AAK1: variants seen among roughly 807,000 people sequenced by gnomAD.
The protein encoded by AAK1 is AP2-associated protein kinase 1.
In AAK1, 37 loss-of-function variants were observed where a neutral mutation model predicts 116.0. That is an observed-to-expected ratio of 0.32 (90% CI 0.25 to 0.42). The LOEUF is 0.42. Among genes scored for constraint, AAK1 ranks in the 10% least tolerant of loss-of-function variants. The pLI is 1.00. For synonymous variants in AAK1, 458 were observed against 439.9 expected, an observed-to-expected ratio of 1.04 and a Z score of -0.51; for missense variants, 919 against 1,170.6, an observed-to-expected ratio of 0.79 and a Z score of 3.14.
At chr2:69,561,659 G>C (rs188934752) in intron 2 of AAK1, among the ~76,000 whole-genome samples, 1 of 151,980 alleles carries the variant, frequency 6.6e-6, no homozygotes. Flanking sequence ...ATGAGTTTTC[G>C]CAACTGTATA....
At position 69,467,867 on chromosome 2, in the gene AAK1, A is replaced by G. The variant is rs531491250; in HGVS notation, c.*8002T>C. 10 of 985,418 alleles carry G rather than the reference A, an allele frequency of 1.0e-5. No homozygotes were observed. The African/African-American group carries it at 1.6e-4, about 15-fold the overall frequency. The allele number at this position is 985,418 out of a possible 1,614,324, so 61.0% of individuals were successfully genotyped here. Reference sequence around the variant, plus strand: ...AGAGAATGTAGAGAGAGGTCTGAACATTTTATAAGATACTGTACAAAAATA... The same window carrying G: ...AGAGAATGTAGAGAGAGGTCTGAACGTTTTATAAGATACTGTACAAAAATA... On this transcript the variant is annotated 3_prime_UTR_variant, in exon 22 of 22. Coordinates refer to ENST00000409085, the MANE Select transcript of AAK1 (RefSeq NM_014911.5).
rs535264683 is a variant in AAK1 at position 69,586,672 on chromosome 2, C to T, written c.164-29694G>A. ...TGAGATCTCTGGGCCTTAGTTTTCT[C>T]TCCTATATCACAAAAGAGTTGGAAA... On this transcript the variant is annotated intron_variant, in intron 2 of 21. Transcript: ENST00000409085. Among the ~76,000 whole-genome samples the T allele has an allele frequency of 3.3e-5, 5 of 152,304 alleles. No homozygotes were observed. In the South Asian group the frequency reaches 1.0e-3, roughly 32 times the overall value.
chr2:69,638,045 G>A (rs1236382986), intron 2 of AAK1, among the ~76,000 whole-genome samples: 1 of 152,188 alleles, frequency 6.6e-6, no homozygotes, highest in Non-Finnish European at 1.5e-5. Context: ...CCGTCATCAT[G>A]CCCAAAGCCA....
rs1234179042 is a variant in AAK1, at chr2:69,478,954, T to C, written c.2677A>G (p.Lys893Glu). 1.9e-6 allele frequency: 3 copies of C among 1,608,772 alleles called. No individual in the cohort carries two copies. The highest frequency in any genetic ancestry group is 1.7e-5 in the Admixed American group (1 of 59,990). Residue 893 changes from lysine to glutamate, a missense_variant, in exon 20 of 22, where the codon AAA (lysine) becomes GAA (glutamate). Lys to Glu is a moderately conservative substitution (Grantham distance 56). This residue lies in a region of AAK1 where 263 missense variants were observed against 285.5 expected (regional missense o/e 0.92). Coordinates refer to ENST00000409085, the MANE Select transcript of AAK1 (RefSeq NM_014911.5). ...APTAISAPVH[K>E]AAEDSNLISG... is the part of the protein sequence containing the mutation. ...CTGAGAAGAAGAAAGCATTTACCTT[T>C]ATGGACTGGAGCAGAGATTGCTGTG...
chr2:69,540,670 G>A (rs983590840), intron 5 of AAK1, among the ~76,000 whole-genome samples: 15 of 152,170 alleles, frequency 9.9e-5, no homozygotes, highest in African/African-American at 3.6e-4. Context: ...AAAATAGTGT[G>A]ACTACTTTGG....
At chr2:69,571,714 A>C (rs769809087) in intron 2 of AAK1, among the ~76,000 whole-genome samples, 12 of 152,228 alleles carry the variant, frequency 7.9e-5, no homozygotes, top group Non-Finnish European at 1.2e-4. Context: ...TTACATTAAA[A>C]CAGTACTTGC....
rs531500362 is a variant in AAK1 at position 69,642,979 on chromosome 2, C to A, written c.62G>T (p.Ser21Ile). 1 of 1,612,650 alleles carries A rather than the reference C, an allele frequency of 6.2e-7. No homozygotes were observed. Among genetic ancestry groups the A allele is most frequent in the African/African-American group, 1.3e-5 (1 of 75,010 alleles). ...GCCCGAGGTGCTGCCCCCTCCTCCG[C>A]TGGAGCCGGAGCCCAGGCCAGAGCC... ...QGGSGLGSGS[S>I]GGGGSTSGLG... The change falls in exon 2 of 22, where the codon AGC becomes ATC. Residue 21 changes from serine (S) to isoleucine (I), a missense_variant. Transcript: ENST00000409085.
In AAK1 at chr2:69,519,940, A is replaced by C. The variant is rs180999729; in HGVS notation, c.1211-700T>G. 2.6e-3 allele frequency: 503 copies of C among 192,006 alleles called. 1 individual carries two copies. The highest frequency in any genetic ancestry group is 4.4e-3 in the Non-Finnish European group (389 of 87,460). The allele number at this position is 192,006 out of a possible 1,614,324, so 11.9% of individuals were successfully genotyped here. A position where few individuals can be genotyped will look rare whatever the true frequency, so the allele number is the denominator to read the frequency against. ...CAGCCCATCAGACCCCAAACTTCCTAAAATTGAAAGTAAGTTGTCTGCTAG... is the reference window on the plus strand; with the variant it reads ...CAGCCCATCAGACCCCAAACTTCCTCAAATTGAAAGTAAGTTGTCTGCTAG... On this transcript the variant is annotated intron_variant, in intron 11 of 21. Coordinates refer to ENST00000409085, the MANE Select transcript of AAK1 (RefSeq NM_014911.5).
chr2:69,587,693 T>G (rs1440236281), intron 2 of AAK1, among the ~76,000 whole-genome samples: 1 of 152,072 alleles, frequency 6.6e-6, no homozygotes, highest in Non-Finnish European at 1.5e-5. Context: ...CTTGAACTCC[T>G]GACCTCAGGT....
At chr2:69,513,973 C>T (rs1358572478) in intron 13 of AAK1, among the ~76,000 whole-genome samples, 1 of 152,120 alleles carries the variant, frequency 6.6e-6, no homozygotes, top group Non-Finnish European at 1.5e-5. Flanking sequence ...GGGATTACAC[C>T]AGGGTGAATG....
chr2:69,478,876 GA>G (rs2104889220), intron 20 of AAK1, 74 bp downstream of exon 20: 1 of 1,261,196 alleles, frequency 7.9e-7, no homozygotes, highest in East Asian at 2.3e-5. Flanking sequence ...CTTTTGATAA[GA>G]AAAACTTTCA....
At chr2:69,598,670 A>C (rs1007750628) in intron 2 of AAK1, among the ~76,000 whole-genome samples, 2 of 151,998 alleles carry the variant, frequency 1.3e-5, no homozygotes, top group East Asian at 1.9e-4. Context: ...CAGGTGCACA[A>C]CACCACACCC....
At position 69,475,556 on chromosome 2, in the gene AAK1, T is replaced by G. The variant is rs1674823245; in HGVS notation, c.*313A>C. ...CACTAGTTTCAGTTACAGTTAAGCT[T>G]TTGGTGGAGTTGATTCCAGCAGAGG... On this transcript the variant is annotated 3_prime_UTR_variant, in exon 22 of 22. Transcript: ENST00000409085. The G allele has an allele frequency of 9.2e-7, 1 of 1,092,656 alleles. No homozygotes were observed. The highest frequency in any genetic ancestry group is 4.7e-5 in the Admixed American group (1 of 21,220). The allele number at this position is 1,092,656 out of a possible 1,614,324, so 67.7% of individuals were successfully genotyped here.
intron 3 of AAK1, among the ~76,000 whole-genome samples, chr2:69,547,238 A>G (rs931794106): frequency 6.6e-6 from 1 of 152,250 alleles, no homozygotes; most frequent in Non-Finnish European, 1.5e-5. Context: ...TTAAAGCTCA[A>G]GCAATCAAGC....
chr2:69,506,277 T>C (rs1013146961), intron 15 of AAK1, among the ~76,000 whole-genome samples: 7 of 152,198 alleles, frequency 4.6e-5, no homozygotes, highest in African/African-American at 1.7e-4. Context: ...CAGTCCAGAA[T>C]AACAACTGGT....
chr2:69,596,221 CTTTT>C (rs112330025), intron 2 of AAK1, among the ~76,000 whole-genome samples: 2 of 138,072 alleles, frequency 1.4e-5, no homozygotes, highest in African/African-American at 2.7e-5. Flanking sequence ...GTAATTTTGA[CTTTT>C]TTTTTTTTTT....
intron 2 of AAK1, among the ~76,000 whole-genome samples, chr2:69,639,606 A>C (rs978494679): frequency 5.3e-5 from 8 of 152,122 alleles, no homozygotes; most frequent in African/African-American, 1.9e-4. Flanking sequence ...CTTACCCAGC[A>C]CCTGCTCCTT....
intron 2 of AAK1, among the ~76,000 whole-genome samples, chr2:69,636,318 A>C (rs1339413120): frequency 1.3e-5 from 2 of 152,208 alleles, no homozygotes; most frequent in East Asian, 1.9e-4. Flanking sequence ...TGTAGACACA[A>C]TCACAATTGA....
At chr2:69,560,435 T>C (rs949792213) in intron 2 of AAK1, among the ~76,000 whole-genome samples, 2 of 152,208 alleles carry the variant, frequency 1.3e-5, no homozygotes, top group African/African-American at 4.8e-5. Context: ...AAAAACCTAA[T>C]GGTTTGGACA....
Sources: allele counts gnomAD v4.1 joint callset (sites outside exome capture counted in the v4.1 genomes callset), GRCh38; gene constraint gnomAD v4.1.1; regional missense constraint gnomAD v4.1.1; transcripts MANE v1.5; gene names NCBI Gene and HGNC (gene_info 2026-07-23, HGNC 2026-07-21).